The following RARB variants were observed in gnomAD, a reference collection of about 807,000 sequenced individuals.
The protein encoded by RARB is HBV-activated protein.
A neutral mutation model predicts 51.9 loss-of-function variants in RARB; 17 were observed. That is an observed-to-expected ratio of 0.33 (90% confidence interval 0.22 to 0.49). The LOEUF is 0.49. Ranked by LOEUF, RARB falls within the 20% of genes least tolerant of loss-of-function variation. The probability of loss-of-function intolerance (pLI) is 0.99; values close to 1 mark genes in which losing one functional copy is unlikely to be tolerated. For missense variants in RARB, 369 were observed against 550.8 expected, an observed-to-expected ratio of 0.67 and a Z score of 3.30; for synonymous variants, 215 against 195.4, an observed-to-expected ratio of 1.10 and a Z score of -0.84.
At chr3:25,363,466 A>G (rs1283521214) in intron 5 of RARB, among the ~76,000 whole-genome samples, 1 of 152,164 alleles carries the variant, frequency 6.6e-6, no homozygotes, top group East Asian at 1.9e-4. Context: ...ATCTGGGTTG[A>G]TGGCAACTTC....
At chr3:25,059,537 T>A (rs1288356833) in intron 2 of RARB, among the ~76,000 whole-genome samples, 2 of 151,966 alleles carry the variant, frequency 1.3e-5, no homozygotes, top group Non-Finnish European at 1.5e-5. Flanking sequence ...TTGTATTTCA[T>A]GTGAAATTAG....
At chr3:25,056,211 C>T (rs1035404997) in intron 2 of RARB, among the ~76,000 whole-genome samples, 24 of 152,022 alleles carry the variant, frequency 1.6e-4, no homozygotes, top group African/African-American at 5.6e-4. Flanking sequence ...AAATCAGAAG[C>T]AGGGTAGCCA....
intron 3 of RARB, among the ~76,000 whole-genome samples, chr3:25,094,009 A>G (rs190904647): frequency 3.3e-5 from 5 of 152,324 alleles, no homozygotes; most frequent in African/African-American, 1.2e-4. Context: ...TCAGACTAAC[A>G]ACCCAGAACA....
chr3:24,972,154 C>T (rs994543085), intron 2 of RARB, among the ~76,000 whole-genome samples: 31 of 151,866 alleles, frequency 2.0e-4, no homozygotes, highest in African/African-American at 5.6e-4. Flanking sequence ...TTCCTCCCTA[C>T]GCTTTCTGGC....
intron 2 of RARB, among the ~76,000 whole-genome samples, chr3:25,489,408 G>A (rs1200662239): frequency 6.6e-6 from 1 of 152,100 alleles, no homozygotes; most frequent in Non-Finnish European, 1.5e-5. Flanking sequence ...TCCTTTCCTT[G>A]CATATAAAGT....
At chr3:25,090,736 A>T (rs1471952676) in intron 3 of RARB, among the ~76,000 whole-genome samples, 3 of 152,142 alleles carry the variant, frequency 2.0e-5, no homozygotes, top group Admixed American at 2.0e-4. Context: ...TCCCTCAAAC[A>T]AAGTCTAACT....
intron 2 of RARB, among the ~76,000 whole-genome samples, chr3:25,477,744 A>G (rs1274962191): frequency 6.6e-6 from 1 of 152,234 alleles, no homozygotes; most frequent in Admixed American, 6.5e-5. Context: ...GACGTGTCCC[A>G]GTTACCATTG....
At chr3:25,387,717 C>G (rs1466002146) in intron 5 of RARB, among the ~76,000 whole-genome samples, 1 of 152,132 alleles carries the variant, frequency 6.6e-6, no homozygotes, top group Non-Finnish European at 1.5e-5. Context: ...TTTGACCACA[C>G]ACATAATGAG....
At chr3:25,519,431 A>T (rs753345757) in intron 3 of RARB, among the ~76,000 whole-genome samples, 6 of 152,146 alleles carry the variant, frequency 3.9e-5, no homozygotes, top group Non-Finnish European at 8.8e-5. Context: ...CCATACCTTG[A>T]TATTTCAGTC....
chr3:25,150,627 T>C (rs533620213), intron 4 of RARB, among the ~76,000 whole-genome samples: 32 of 152,276 alleles, frequency 2.1e-4, no homozygotes, highest in Middle Eastern at 3.4e-3. Flanking sequence ...ATACATAGAG[T>C]ACAATCATTT....
intron 3 of RARB, among the ~76,000 whole-genome samples, chr3:25,502,365 G>A (rs1229463841): frequency 8.5e-5 from 13 of 152,110 alleles, no homozygotes; most frequent in Non-Finnish European, 1.9e-4. Context: ...TGATTGAAGA[G>A]GTAAAGCCCC....
At chr3:25,545,923 C>G (rs1255178760) in intron 3 of RARB, among the ~76,000 whole-genome samples, 1 of 151,938 alleles carries the variant, frequency 6.6e-6, no homozygotes, top group Non-Finnish European at 1.5e-5. Context: ...TGAAATAAAA[C>G]CAGGAAGGGG....
At chr3:24,965,226 G>T (rs1043535927) in intron 2 of RARB, among the ~76,000 whole-genome samples, 1 of 151,964 alleles carries the variant, frequency 6.6e-6, no homozygotes, top group African/African-American at 2.4e-5. Context: ...TTTTTGTCAG[G>T]TATTTTGTAT....
chr3:25,231,640 A>G (rs1204171207), intron 5 of RARB, among the ~76,000 whole-genome samples: 1 of 152,168 alleles, frequency 6.6e-6, no homozygotes, highest in Non-Finnish European at 1.5e-5. Flanking sequence ...GTGTAATGGT[A>G]TCTCATTTTG....
chr3:25,320,452 A>G (rs1704540742), intron 5 of RARB, among the ~76,000 whole-genome samples: 1 of 152,180 alleles, frequency 6.6e-6, no homozygotes, highest in Non-Finnish European at 1.5e-5. Flanking sequence ...TTCCAGGGCC[A>G]GGACATACAA....
chr3:25,081,083 A>G (rs1336591002), intron 3 of RARB, among the ~76,000 whole-genome samples: 1 of 152,054 alleles, frequency 6.6e-6, no homozygotes, highest in East Asian at 1.9e-4. Flanking sequence ...GAAAATTTAG[A>G]TCATTAGACC....
intron 3 of RARB, among the ~76,000 whole-genome samples, chr3:25,533,671 A>G (rs1699018051): frequency 2.0e-5 from 3 of 152,260 alleles, no homozygotes; most frequent in Admixed American, 2.0e-4. Context: ...GGCAGAAATC[A>G]TAAAACGATC....
At chr3:25,251,392 T>C (rs1702716201) in intron 5 of RARB, among the ~76,000 whole-genome samples, 1 of 151,770 alleles carries the variant, frequency 6.6e-6, no homozygotes, top group Non-Finnish European at 1.5e-5. Flanking sequence ...TACCCAAGAG[T>C]GGAATTGTTG....
At chr3:25,426,117 C>T (rs1707979561), upstream of RARB, among the ~76,000 whole-genome samples, 1 of 152,172 alleles carries the variant, frequency 6.6e-6, no homozygotes. Context: ...GCCTCATGGA[C>T]CAAGTAGAAA....
Sources: allele counts gnomAD v4.1 joint callset (sites outside exome capture counted in the v4.1 genomes callset), GRCh38; gene constraint gnomAD v4.1.1; transcripts MANE v1.5; gene names NCBI Gene and HGNC (gene_info 2026-07-23, HGNC 2026-07-21).